RFTN1: variants seen among roughly 807,000 people sequenced by gnomAD.
RFTN1 encodes raftlin.
RFTN1 carries 26 observed loss-of-function variants against 46.5 expected under a neutral mutation model. That is an observed-to-expected ratio of 0.56 (90% CI 0.41 to 0.78). RFTN1 has a LOEUF of 0.78. Among genes scored for constraint, RFTN1 ranks in the 30% least tolerant of loss-of-function variants. RFTN1 has a pLI of 0.00. For synonymous variants in RFTN1, 261 were observed against 284.2 expected (o/e 0.92, Z 0.82); for missense variants, 693 against 718.7 (o/e 0.96, Z 0.41).
In RFTN1 at chr3:16,500,899, C is replaced by T. The variant is rs990259648; in HGVS notation, c.-8-7022G>A. On this transcript the variant is annotated intron_variant, in intron 1 of 9. Transcript: ENST00000334133. This position sits in a 1 kb window ranked among gnomAD's most constrained non-coding sequence, Gnocchi z 5.9. The stretch of plus-strand genomic sequence containing the variant: ...CTCAGGGAGATCACAGAGACAATGA[C>T]GAGATACCCATGGTGCAGTATGGCT... 6.6e-6 allele frequency among the ~76,000 whole-genome samples: 1 copy of T among 152,172 alleles called. No homozygotes were observed. Among genetic ancestry groups the T allele is most frequent in the Admixed American group, 6.5e-5 (1 of 15,286 alleles).
In RFTN1 at chr3:16,320,150, G is replaced by T. The variant is rs1237569896; in HGVS notation, c.1333-2918C>A. Among the ~76,000 whole-genome samples, 1 of 152,180 alleles carries T rather than the reference G, an allele frequency of 6.6e-6. No individual in the cohort carries two copies. Among genetic ancestry groups the T allele is most frequent in the South Asian group, 2.1e-4 (1 of 4,834 alleles). On this transcript the variant is annotated intron_variant, in intron 9 of 9. Coordinates refer to ENST00000334133, the MANE Select transcript of RFTN1 (RefSeq NM_015150.2). The surrounding 1 kb of genome is among the most constrained non-coding windows in gnomAD (Gnocchi z 4.5). ...ATTTAATTTGCACATTTTAAAAACT[G>T]CCCATGATGTGTCCACTTCAAGTAG...
intron 4 of RFTN1, among the ~76,000 whole-genome samples, chr3:16,392,770 T>C (rs2074381552): frequency 6.6e-6 from 1 of 152,102 alleles, no homozygotes; most frequent in East Asian, 1.9e-4. Context: ...CTGGGACGTA[T>C]GAAGCATTAA....
chr3:16,353,066 C>G lies in RFTN1; in HGVS notation c.1146+4866G>C, dbSNP rs1303260344. 6.6e-6 allele frequency among the ~76,000 whole-genome samples: 1 copy of G among 152,186 alleles called. No individual in the cohort carries two copies. Among genetic ancestry groups the G allele is most frequent in the Non-Finnish European group, 1.5e-5 (1 of 68,036 alleles). On this transcript the variant is annotated intron_variant, in intron 7 of 9. Coordinates refer to ENST00000334133, the MANE Select transcript of RFTN1 (RefSeq NM_015150.2). The surrounding 1 kb of genome is among the most constrained non-coding windows in gnomAD (Gnocchi z 5.4). ...GAGGAGGAAAGAGGCAGGAAAGGGA[C>G]AGACCAGTCCCCACTGTGAGACATG...
Position 16,466,817 on chromosome 3 carries a change from A to G in RFTN1, c.145+26908T>C, listed in dbSNP as rs931224510. On this transcript the variant is annotated intron_variant, in intron 2 of 9. Coordinates refer to ENST00000334133, the MANE Select transcript of RFTN1 (RefSeq NM_015150.2). This position sits in a 1 kb window ranked among gnomAD's most constrained non-coding sequence, Gnocchi z 5.6. ...ACACAGACACACATACGCTTCTCAT[A>G]GCTGAAAACATGGAAGGCAGTCCAT... 6.6e-6 allele frequency among the ~76,000 whole-genome samples: 1 copy of G among 152,218 alleles called. No individual in the cohort carries two copies. Among genetic ancestry groups the G allele is most frequent in the Non-Finnish European group, 1.5e-5 (1 of 68,032 alleles).
rs1323008137 is a variant in RFTN1 at position 16,448,957 on chromosome 3, C to G, written c.146-14920G>C. Among the ~76,000 whole-genome samples the G allele has an allele frequency of 1.3e-5, 2 of 152,196 alleles. No individual in the cohort carries two copies. Among genetic ancestry groups the G allele is most frequent in the Non-Finnish European group, 2.9e-5 (2 of 68,032 alleles). On this transcript the variant is annotated intron_variant, in intron 2 of 9. Coordinates refer to ENST00000334133, the MANE Select transcript of RFTN1 (RefSeq NM_015150.2). The surrounding 1 kb of genome is among the most constrained non-coding windows in gnomAD (Gnocchi z 4.1). The stretch of plus-strand genomic sequence containing the variant: ...GTTGAGTCCCTGGAAATGCTTTGTA[C>G]TGAATTTTCCAGATGATTTATGTTA...
In RFTN1 at chr3:16,321,705, G is replaced by A. The variant is rs2069077870; in HGVS notation, c.1332+1671C>T. Among the ~76,000 whole-genome samples the A allele has an allele frequency of 6.6e-6, 1 of 152,222 alleles. No individual in the cohort carries two copies. Among genetic ancestry groups the A allele is most frequent in the African/African-American group, 2.4e-5 (1 of 41,462 alleles). ...GAGGCAGGAAATAATTAGGTACATG[G>A]AAAGAGAAAGCAGTCCACCCAGATG... is the stretch of plus-strand genomic sequence containing the variant. On this transcript the variant is annotated intron_variant, in intron 9 of 9. Coordinates refer to ENST00000334133, the MANE Select transcript of RFTN1 (RefSeq NM_015150.2). This position sits in a 1 kb window ranked among gnomAD's most constrained non-coding sequence, Gnocchi z 4.8.
At chr3:16,404,149 T>A (rs1349877287) in intron 4 of RFTN1, among the ~76,000 whole-genome samples, 1 of 44,558 alleles carries the variant, frequency 2.2e-5, no homozygotes, top group East Asian at 9.4e-4. Flanking sequence ...AATATACATT[T>A]TATATATATT....
chr3:16,347,766 A>C (rs1181997314), intron 7 of RFTN1: 1 of 152,110 alleles, frequency 6.6e-6, no homozygotes, highest in Admixed American at 6.5e-5. Context: ...TTTTGTTTAA[A>C]ATTATTATAA....
In RFTN1 at chr3:16,447,911, G is replaced by T. The variant is rs943371558; in HGVS notation, c.146-13874C>A. 6.6e-6 allele frequency among the ~76,000 whole-genome samples: 1 copy of T among 152,142 alleles called. No individual in the cohort carries two copies. The highest frequency in any genetic ancestry group is 1.5e-5 in the Non-Finnish European group (1 of 68,020). On this transcript the variant is annotated intron_variant, in intron 2 of 9. Coordinates refer to ENST00000334133, the MANE Select transcript of RFTN1 (RefSeq NM_015150.2). The surrounding 1 kb of genome is among the most constrained non-coding windows in gnomAD (Gnocchi z 5.9). ...ACGCATGAGGATCTGATAGGCATTT[G>T]TGTGCTTATAAGGAATCTTTAGATT...
chr3:16,418,473 G>T lies in RFTN1; in HGVS notation c.333-8990C>A, dbSNP rs1261399019. On this transcript the variant is annotated intron_variant, in intron 3 of 9. Transcript: ENST00000334133. This position sits in a 1 kb window ranked among gnomAD's most constrained non-coding sequence, Gnocchi z 5.0. The stretch of plus-strand genomic sequence containing the variant: ...AGAGAATGTGCAGTTCATCAGTAGG[G>T]TTATTTTTGCTTCATTTAGAAATAA... Among the ~76,000 whole-genome samples, 1 of 151,574 alleles carries T rather than the reference G, an allele frequency of 6.6e-6. No individual in the cohort carries two copies. Among genetic ancestry groups the T allele is most frequent in the Non-Finnish European group, 1.5e-5 (1 of 67,984 alleles).
In RFTN1 at chr3:16,479,182, G is replaced by A. The variant is rs2076328281; in HGVS notation, c.145+14543C>T. On this transcript the variant is annotated intron_variant, in intron 2 of 9. Transcript: ENST00000334133. This position sits in a 1 kb window ranked among gnomAD's most constrained non-coding sequence, Gnocchi z 5.1. ...GTACTCTAACATTCCTTGCAGGTAGGAGAACAAAACCTTGGCTGGTTCACC... is the reference window on the plus strand; with the variant it reads ...GTACTCTAACATTCCTTGCAGGTAGAAGAACAAAACCTTGGCTGGTTCACC... Among the ~76,000 whole-genome samples, 2 of 152,120 alleles carry A rather than the reference G, an allele frequency of 1.3e-5. No homozygotes were observed. The highest frequency in any genetic ancestry group is 1.3e-4 in the Admixed American group (2 of 15,278).
chr3:16,420,665 G>A (rs1210530882), intron 3 of RFTN1, among the ~76,000 whole-genome samples: 2 of 152,162 alleles, frequency 1.3e-5, no homozygotes, highest in Admixed American at 1.3e-4. Flanking sequence ...TAGCCACTAC[G>A]GTTTTGCTAC....
At position 16,507,714 on chromosome 3, in the gene RFTN1, CACACATACACACAA is replaced by C. The variant is rs1421494445; in HGVS notation, c.-9+5714_-9+5727del. Among the ~76,000 whole-genome samples, 17 of 151,390 alleles carry C rather than the reference CACACATACACACAA, an allele frequency of 1.1e-4. No homozygotes were observed. The East Asian group carries it at 1.7e-3, about 16-fold the overall frequency. On this transcript the variant is annotated intron_variant, in intron 1 of 9. Transcript: ENST00000334133. This position sits in a 1 kb window ranked among gnomAD's most constrained non-coding sequence, Gnocchi z 7.1. ...ACATACACACACATACATACACATACACACATACACACAAACACATACACACATACATGCACACT... is the reference window on the plus strand; with the variant it reads ...ACATACACACACATACATACACATACACACATACACACATACATGCACACT...
rs2074879036 is a variant in RFTN1, at chr3:16,407,168, C to T, written c.441+2207G>A. On this transcript the variant is annotated intron_variant, in intron 4 of 9. Coordinates refer to ENST00000334133, the MANE Select transcript of RFTN1 (RefSeq NM_015150.2). This position sits in a 1 kb window ranked among gnomAD's most constrained non-coding sequence, Gnocchi z 4.0. ...AATTTGGTTAAGACAAAGTCACCAA[C>T]TCATATCAACTCATATGTTTTCTTT... Among the ~76,000 whole-genome samples, 1 of 152,146 alleles carries T rather than the reference C, an allele frequency of 6.6e-6. No individual in the cohort carries two copies. The highest frequency in any genetic ancestry group is 1.5e-5 in the Non-Finnish European group (1 of 68,026).
chr3:16,375,940 G>A (rs1159449570), intron 5 of RFTN1, among the ~76,000 whole-genome samples: 1 of 152,196 alleles, frequency 6.6e-6, no homozygotes, highest in Non-Finnish European at 1.5e-5. Context: ...TGAGGAAGGT[G>A]AGTGGCCACG....
rs79360142 is a variant in RFTN1 at position 16,497,306 on chromosome 3, A to G, written c.-8-3429T>C. The stretch of plus-strand genomic sequence containing the variant: ...TGAGGATGGAATAAAGGCAAAACAC[A>G]AAATCATCTACGTACTGGGTCTCAA... On this transcript the variant is annotated intron_variant, in intron 1 of 9. Coordinates refer to ENST00000334133, the MANE Select transcript of RFTN1 (RefSeq NM_015150.2). 1.1e-3 allele frequency among the ~76,000 whole-genome samples: 170 copies of G among 152,394 alleles called. 1 individual carries two copies. The East Asian group carries it at 0.03, about 27-fold the overall frequency.
chr3:16,467,079 T>C (rs1275983869), intron 2 of RFTN1, among the ~76,000 whole-genome samples: 1 of 151,924 alleles, frequency 6.6e-6, no homozygotes, highest in Admixed American at 6.6e-5. Flanking sequence ...GTGTGAGAGA[T>C]ACACAAAACA....
At chr3:16,355,959 A>G (rs994535946) in intron 7 of RFTN1, among the ~76,000 whole-genome samples, 5 of 152,226 alleles carry the variant, frequency 3.3e-5, no homozygotes, top group African/African-American at 4.8e-5. Context: ...TGGCCTGCCA[A>G]TCACTCGGCA....
intron 7 of RFTN1, among the ~76,000 whole-genome samples, chr3:16,330,045 T>C (rs574451027): frequency 1.3e-5 from 2 of 152,306 alleles, no homozygotes; most frequent in African/African-American, 4.8e-5. Flanking sequence ...ATCAGCAGGA[T>C]TTCTCCCAAA....
Sources: gnomAD v4.1 joint callset for allele counts (sites outside exome capture counted in the v4.1 genomes callset) on GRCh38, gnomAD v4.1.1 for gene constraint, Gnocchi (gnomAD v3.1) non-coding constraint, MANE v1.5 for transcripts, NCBI Gene and HGNC (gene_info 2026-07-23, HGNC 2026-07-21) for gene names.